CAMKMT: variants seen among roughly 807,000 people sequenced by gnomAD.
CAMKMT encodes the protein CaM KMT.
Under a neutral mutation model 48.0 loss-of-function variants are expected in CAMKMT, and 53 were observed. The ratio of observed to expected loss-of-function variants is 1.10; its 90% CI spans 0.89 to 1.39. The LOEUF (loss-of-function observed/expected upper bound fraction) is 1.39, where lower values mean the gene tolerates loss of function less well. CAMKMT is among the 40% of genes most tolerant of loss of function. The pLI, the probability that CAMKMT is intolerant of heterozygous loss-of-function variation, is 0.00. For missense variants in CAMKMT, 428 were observed against 402.7 expected, an observed-to-expected ratio of 1.06 and a Z score of -0.54; for synonymous variants, 165 against 152.3, an observed-to-expected ratio of 1.08 and a Z score of -0.61.
intron 3 of CAMKMT, among the ~76,000 whole-genome samples, chr2:44,621,184 C>T (rs1572935489): frequency 6.7e-6 from 1 of 149,210 alleles, no homozygotes; most frequent in East Asian, 2.0e-4. Context: ...AGGAGAATGG[C>T]GCCAACCCGG....
intron 3 of CAMKMT, among the ~76,000 whole-genome samples, chr2:44,538,962 GT>G (rs1666936735): frequency 2.0e-4 from 1 of 5,092 alleles, no homozygotes; most frequent in Admixed American, 2.7e-3. Flanking sequence ...GTGTGTCTGT[GT>G]GTGTGTGTGT....
intron 3 of CAMKMT, among the ~76,000 whole-genome samples, chr2:44,696,536 G>A (rs1042915937): frequency 6.6e-6 from 1 of 152,230 alleles, no homozygotes; most frequent in East Asian, 1.9e-4. Context: ...AAAAACTGGA[G>A]GTTTATTCTT....
intron 3 of CAMKMT, among the ~76,000 whole-genome samples, chr2:44,534,225 G>C (rs2104834751): frequency 6.6e-6 from 1 of 152,188 alleles, no homozygotes; most frequent in East Asian, 1.9e-4. Flanking sequence ...TTATAAAGCA[G>C]ATATTACTAG....
intron 3 of CAMKMT, among the ~76,000 whole-genome samples, chr2:44,578,759 A>T (rs1021519096): frequency 1.3e-5 from 2 of 152,226 alleles, no homozygotes; most frequent in Non-Finnish European, 2.9e-5. Context: ...GTTGTTGCTT[A>T]AAAATAAAAA....
At chr2:44,571,528 T>A (rs995397276) in intron 3 of CAMKMT, among the ~76,000 whole-genome samples, 3 of 152,222 alleles carry the variant, frequency 2.0e-5, no homozygotes, top group African/African-American at 7.2e-5. Flanking sequence ...TAAATAGCAA[T>A]CCTGTGTATT....
At chr2:44,685,423 T>A (rs1676282932) in intron 3 of CAMKMT, among the ~76,000 whole-genome samples, 1 of 151,872 alleles carries the variant, frequency 6.6e-6, no homozygotes, top group Admixed American at 6.6e-5. Flanking sequence ...GGAGAGTGAG[T>A]ATGCACCCAA....
chr2:44,369,093 A>G (rs1244715284), intron 1 of CAMKMT, among the ~76,000 whole-genome samples: 1 of 151,982 alleles, frequency 6.6e-6, no homozygotes, highest in East Asian at 1.9e-4. Flanking sequence ...CATGTTGGCC[A>G]GGCTGGTATC....
At chr2:44,496,877 C>T (rs140742955) in intron 3 of CAMKMT, among the ~76,000 whole-genome samples, 1 of 152,228 alleles carries the variant, frequency 6.6e-6, no homozygotes, top group Non-Finnish European at 1.5e-5. Flanking sequence ...TAGGTAAAAA[C>T]GTTTAGAGCT....
chr2:44,404,896 A>G (rs1053870837), intron 3 of CAMKMT, among the ~76,000 whole-genome samples: 3 of 152,142 alleles, frequency 2.0e-5, no homozygotes, highest in Admixed American at 1.3e-4. Flanking sequence ...TATGTATAAT[A>G]TTAAAGAGAA....
chr2:44,722,431 A>G (rs1285977336), intron 7 of CAMKMT, among the ~76,000 whole-genome samples: 2 of 151,918 alleles, frequency 1.3e-5, no homozygotes, highest in South Asian at 2.1e-4. Context: ...TTATTGTGCA[A>G]TCTTTGTCTG....
chr2:44,367,166 T>C (rs962435356), intron 1 of CAMKMT, among the ~76,000 whole-genome samples: 1 of 152,222 alleles, frequency 6.6e-6, no homozygotes, highest in African/African-American at 2.4e-5. Flanking sequence ...CTTTTAACTG[T>C]AGGGTAACTG....
intron 3 of CAMKMT, among the ~76,000 whole-genome samples, chr2:44,419,816 C>T (rs762811691): frequency 2.6e-5 from 4 of 152,162 alleles, no homozygotes; most frequent in South Asian, 2.1e-4. Context: ...ATGATCACAC[C>T]TGTGAATAGC....
At chr2:44,540,030 ATT>A (rs1247169863) in intron 3 of CAMKMT, among the ~76,000 whole-genome samples, 1 of 152,126 alleles carries the variant, frequency 6.6e-6, no homozygotes, top group East Asian at 1.9e-4. Flanking sequence ...TTTAGCATAC[ATT>A]GACAAATAAT....
At chr2:44,585,441 A>T (rs1056154388) in intron 3 of CAMKMT, among the ~76,000 whole-genome samples, 4 of 152,236 alleles carry the variant, frequency 2.6e-5, no homozygotes, top group Admixed American at 6.5e-5. Flanking sequence ...TTCCTGTAGG[A>T]AGTGGCCTGC....
intron 3 of CAMKMT, among the ~76,000 whole-genome samples, chr2:44,638,482 G>A (rs1189873467): frequency 6.6e-6 from 1 of 152,152 alleles, no homozygotes; most frequent in African/African-American, 2.4e-5. Flanking sequence ...CCTGCCATCT[G>A]CTTTACGTGA....
intron 3 of CAMKMT, among the ~76,000 whole-genome samples, chr2:44,603,229 C>T (rs770712603): frequency 3.3e-5 from 5 of 151,868 alleles, no homozygotes; most frequent in African/African-American, 4.8e-5. Flanking sequence ...GCTGGGATTA[C>T]GACATGTGCC....
In CAMKMT at chr2:44,743,655, T is replaced by C; in HGVS notation, c.657T>C (p.Ser219=). ...VLRWDNETDV[S]QLEGHFDIVM... ...GATGGGATAATGAGACAGATGTCTCTCAACTGGAAGGACATTTTGACATTG... is the reference window on the plus strand; with the variant it reads ...GATGGGATAATGAGACAGATGTCTCCCAACTGGAAGGACATTTTGACATTG... Residue 219 remains serine, a synonymous_variant, in exon 8 of 11, where the codon TCT becomes TCC. Transcript: ENST00000378494. 1 of 1,613,476 alleles carries C rather than the reference T, an allele frequency of 6.2e-7. No homozygotes were observed. Among genetic ancestry groups the C allele is most frequent in the South Asian group, 1.1e-5 (1 of 90,980 alleles).
Position 44,390,313 on chromosome 2 carries a change from A to T in CAMKMT, c.376+8A>T, listed in dbSNP as rs1252776685. 34 of 1,568,440 alleles carry T rather than the reference A, an allele frequency of 2.2e-5. No homozygotes were observed. Among genetic ancestry groups the T allele is most frequent in the Non-Finnish European group, 2.8e-5 (32 of 1,146,376 alleles). ...ACAATACAGGAAATGTTTGTAAGTT[A>T]TACATTCACTCTATAGAAATATATT... On this transcript the variant is annotated splice_region_variant and intron_variant, in intron 3 of 10. Transcript: ENST00000378494.
At chr2:44,453,901 A>C (rs934406083) in intron 3 of CAMKMT, among the ~76,000 whole-genome samples, 2 of 152,086 alleles carry the variant, frequency 1.3e-5, no homozygotes, top group Non-Finnish European at 2.9e-5. Context: ...AGAGTTTAAA[A>C]CAAGTAGTTT....
Sources: gnomAD v4.1 joint callset for allele counts (sites outside exome capture counted in the v4.1 genomes callset) on GRCh38, gnomAD v4.1.1 for gene constraint, MANE v1.5 for transcripts, NCBI Gene and HGNC (gene_info 2026-07-23, HGNC 2026-07-21) for gene names.